WDFY2: variants seen among roughly 807,000 people sequenced by gnomAD.
WDFY2 encodes the protein WD repeat and FYVE domain-containing protein 2.
In WDFY2, 36 loss-of-function variants were observed where a neutral mutation model predicts 56.4. That is an observed-to-expected ratio of 0.64 (90% CI 0.49 to 0.84). The LOEUF is 0.84. Among genes scored for constraint, WDFY2 ranks in the 40% least tolerant of loss-of-function variants. The pLI is 0.00. For missense variants in WDFY2, 444 were observed against 512.2 expected, an observed-to-expected ratio of 0.87 and a Z score of 1.29; for synonymous variants, 176 against 183.7, an observed-to-expected ratio of 0.96 and a Z score of 0.34.
At chr13:51,609,607 GC>G (rs1217011820) in intron 1 of WDFY2, among the ~76,000 whole-genome samples, 3 of 56,620 alleles carry the variant, frequency 5.3e-5, no homozygotes, top group African/African-American at 2.5e-4. Context: ...CCCAACCCCC[GC>G]CCCCCCGCCC....
At chr13:51,711,324 A>C (rs1223834798) in intron 4 of WDFY2, among the ~76,000 whole-genome samples, 5 of 152,338 alleles carry the variant, frequency 3.3e-5, no homozygotes, top group Non-Finnish European at 5.9e-5. Flanking sequence ...TAGACCTAAA[A>C]CCATAAAAAC....
At chr13:51,633,352 C>A (rs9535722) in intron 1 of WDFY2, among the ~76,000 whole-genome samples, 19,752 of 152,262 alleles carry the variant, frequency 0.13, 1,637 homozygotes, top group South Asian at 0.21. Flanking sequence ...GTGTTCCAAT[C>A]TTGGTTGTGC....
rs534877125 is a variant in WDFY2 at position 51,694,473 on chromosome 13, G to T, written c.280-9123G>T. ...AGTTTGGCTGGATATGAAATTCTGGGTTGAAAATTCTTTTCTTTAAGAATG... is the reference window on the plus strand; with the variant it reads ...AGTTTGGCTGGATATGAAATTCTGGTTTGAAAATTCTTTTCTTTAAGAATG... On this transcript the variant is annotated intron_variant, in intron 3 of 11. Coordinates refer to ENST00000298125, the MANE Select transcript of WDFY2 (RefSeq NM_052950.4). 5.6e-3 allele frequency among the ~76,000 whole-genome samples: 853 copies of T among 152,244 alleles called. 7 individuals carry two copies. Among genetic ancestry groups the T allele is most frequent in the African/African-American group, 0.019 (798 of 41,532 alleles).
intron 2 of WDFY2, among the ~76,000 whole-genome samples, chr13:51,670,862 C>T (rs1030071725): frequency 6.6e-6 from 1 of 152,048 alleles, no homozygotes; most frequent in African/African-American, 2.4e-5. Flanking sequence ...TCTTTTATCC[C>T]TCACCCCACT....
At chr13:51,645,345 C>T (rs1197462070) in intron 1 of WDFY2, among the ~76,000 whole-genome samples, 2 of 152,106 alleles carry the variant, frequency 1.3e-5, no homozygotes, top group Non-Finnish European at 2.9e-5. Context: ...CCCCAAGTTA[C>T]TTCAGTTGTG....
At chr13:51,595,130 G>A (rs747890165) in intron 1 of WDFY2, among the ~76,000 whole-genome samples, 13 of 152,112 alleles carry the variant, frequency 8.5e-5, no homozygotes, top group Admixed American at 3.9e-4. Context: ...TGGGTGCTGT[G>A]TTCTCCTTTG....
intron 4 of WDFY2, among the ~76,000 whole-genome samples, chr13:51,705,189 C>G (rs1417517545): frequency 6.6e-6 from 1 of 152,188 alleles, no homozygotes; most frequent in African/African-American, 2.4e-5. Flanking sequence ...CCACAAGGAA[C>G]TGAATCCAGC....
chr13:51,754,090 CAAAAAAAAAA>C (rs34329123), intron 8 of WDFY2, among the ~76,000 whole-genome samples: 1 of 100,616 alleles, frequency 9.9e-6, no homozygotes, highest in Admixed American at 9.9e-5. Flanking sequence ...AAGGCTGTCT[CAAAAAAAAAA>C]AAAAAAAAAA....
chr13:51,675,070 G>T, intron 2 of WDFY2, 100 bp from the exon 3 acceptor site: 1 of 1,006,982 alleles, frequency 9.9e-7, no homozygotes, highest in Admixed American at 2.1e-5. Flanking sequence ...CCAGGAGATA[G>T]TGGGGAAAGT....
chr13:51,745,751 A>C (rs1162759031), intron 7 of WDFY2, among the ~76,000 whole-genome samples: 2 of 148,716 alleles, frequency 1.3e-5, no homozygotes, highest in African/African-American at 5.0e-5. Flanking sequence ...AAAAAAAAAA[A>C]AAAAAAAAAA....
chr13:51,703,868 G>A (rs551134604), intron 4 of WDFY2, among the ~76,000 whole-genome samples: 2 of 152,262 alleles, frequency 1.3e-5, no homozygotes, highest in Admixed American at 6.5e-5. Context: ...GCCAGATCAG[G>A]TCAGCTTGAC....
intron 1 of WDFY2, among the ~76,000 whole-genome samples, chr13:51,597,833 A>G (rs1954180776): frequency 6.6e-6 from 1 of 152,228 alleles, no homozygotes; most frequent in Non-Finnish European, 1.5e-5. Context: ...GTAGAAATAG[A>G]TACTAGCATT....
At chr13:51,694,637 G>C (rs1951822249) in intron 3 of WDFY2, among the ~76,000 whole-genome samples, 1 of 151,994 alleles carries the variant, frequency 6.6e-6, no homozygotes, top group South Asian at 2.1e-4. Flanking sequence ...TTTCAACTTT[G>C]GTGAATGTGA....
intron 8 of WDFY2, among the ~76,000 whole-genome samples, chr13:51,754,438 C>T (rs965629951): frequency 6.6e-6 from 1 of 152,206 alleles, no homozygotes; most frequent in African/African-American, 2.4e-5. Context: ...CAGCTGTACT[C>T]ATTTATACTT....
chr13:51,731,039 A>G (rs1952711777), intron 6 of WDFY2, among the ~76,000 whole-genome samples: 1 of 152,230 alleles, frequency 6.6e-6, no homozygotes. Context: ...AGAGAGTGGA[A>G]TTGGAAAGCT....
rs1953680795 is a variant in WDFY2 at position 51,764,349 on chromosome 13, G to T, written c.*4580G>T. On this transcript the variant is annotated 3_prime_UTR_variant, in exon 12 of 12. Coordinates refer to ENST00000298125, the MANE Select transcript of WDFY2 (RefSeq NM_052950.4). The stretch of plus-strand genomic sequence containing the variant: ...TAACCCAGCAGGTGTGGCAGGAGGG[G>T]CTTCACAGAGGAAAGGGACTTTGAG... The T allele has an allele frequency of 6.6e-6, 1 of 152,424 alleles. No homozygotes were observed. Among genetic ancestry groups the T allele is most frequent in the Non-Finnish European group, 1.5e-5 (1 of 68,184 alleles). The allele number at this position is 152,424 out of a possible 1,614,324, so 9.4% of individuals were successfully genotyped here.
Position 51,699,673 on chromosome 13 carries a change from AAT to A in WDFY2, c.280-3921_280-3920del, listed in dbSNP as rs138084961. 6.3e-3 allele frequency among the ~76,000 whole-genome samples: 962 copies of A among 152,358 alleles called. 13 individuals are homozygous for A. The highest frequency in any genetic ancestry group is 0.021 in the East Asian group (110 of 5,188). The stretch of plus-strand genomic sequence containing the variant: ...CAGTTTGGCAAAAATTGAAAAGATG[AAT>A]AGTGTCCAATGCTGATAAGATGTGG... On this transcript the variant is annotated intron_variant, in intron 3 of 11. Transcript: ENST00000298125.
chr13:51,641,821 G>A (rs1486915936), intron 1 of WDFY2, among the ~76,000 whole-genome samples: 7 of 87,136 alleles, frequency 8.0e-5, no homozygotes, highest in Middle Eastern at 0.014. Flanking sequence ...GCGAGACTCC[G>A]TCTCAAAAAA....
intron 7 of WDFY2, among the ~76,000 whole-genome samples, chr13:51,740,409 G>T (rs1286250383): frequency 1.3e-5 from 2 of 152,110 alleles, no homozygotes; most frequent in Admixed American, 1.3e-4. Context: ...CATCATCCAC[G>T]TAAGAGAAGA....
Sources: gnomAD v4.1 joint callset for allele counts (sites outside exome capture counted in the v4.1 genomes callset) on GRCh38, gnomAD v4.1.1 for gene constraint, MANE v1.5 for transcripts, NCBI Gene and HGNC (gene_info 2026-07-23, HGNC 2026-07-21) for gene names.